The following CDYL2 variants were observed in gnomAD, a reference collection of about 807,000 sequenced individuals.
The protein encoded by CDYL2 is chromodomain Y like 2.
In CDYL2, 23 loss-of-function variants were observed where a neutral mutation model predicts 49.4. The ratio of observed to expected loss-of-function variants is 0.47; its 90% CI spans 0.34 to 0.66. The LOEUF (loss-of-function observed/expected upper bound fraction) is 0.66, where lower values mean the gene tolerates loss of function less well. Ranked by LOEUF, CDYL2 falls within the 30% of genes least tolerant of loss-of-function variation. The pLI is 0.01. For synonymous variants in CDYL2, 360 were observed against 268.8 expected, an observed-to-expected ratio of 1.34 and a Z score of -3.32; for missense variants, 678 against 656.4, an observed-to-expected ratio of 1.03 and a Z score of -0.36.
chr16:80,647,322 T>C (rs1321588261), intron 2 of CDYL2, among the ~76,000 whole-genome samples: 1 of 151,946 alleles, frequency 6.6e-6, no homozygotes, highest in Non-Finnish European at 1.5e-5. Context: ...CCTCTCAAAA[T>C]ACCAATAATA....
In CDYL2 at chr16:80,599,359, A is replaced by G. The variant is rs574836090; in HGVS notation, c.*5029T>C. ...TTTATGTGGACAACCAAAAGGAATA[A>G]TAATTTCTTTTTAAGTCTAAATTCT... On this transcript the variant is annotated 3_prime_UTR_variant, in exon 7 of 7. Transcript: ENST00000570137. 1.2e-4 allele frequency: 19 copies of G among 152,352 alleles called. No individual in the cohort carries two copies. Among genetic ancestry groups the G allele is most frequent in the African/African-American group, 4.6e-4 (19 of 41,586 alleles). 9.4% of individuals were successfully genotyped at this position (152,352 alleles called of 1,614,324 possible).
At chr16:80,726,840 C>A (rs571105624) in intron 1 of CDYL2, among the ~76,000 whole-genome samples, 2 of 151,832 alleles carry the variant, frequency 1.3e-5, no homozygotes, top group African/African-American at 2.4e-5. Flanking sequence ...ATAATCCCAA[C>A]ACTTTGGAGG....
At chr16:80,606,559 C>T (rs1201775597) in intron 6 of CDYL2, among the ~76,000 whole-genome samples, 3 of 152,170 alleles carry the variant, frequency 2.0e-5, no homozygotes, top group African/African-American at 7.2e-5. Context: ...AGTGCCCTCA[C>T]TCTTGCCACT....
chr16:80,787,254 C>A (rs987338761), intron 1 of CDYL2, among the ~76,000 whole-genome samples: 1 of 152,024 alleles, frequency 6.6e-6, no homozygotes, highest in East Asian at 1.9e-4. Context: ...ATGAAGCCAG[C>A]CAGGAAATGG....
chr16:80,712,344 T>G (rs564978926), intron 1 of CDYL2, among the ~76,000 whole-genome samples: 6 of 151,878 alleles, frequency 4.0e-5, no homozygotes, highest in African/African-American at 1.4e-4. Flanking sequence ...AGACCCCCAG[T>G]GCAAACTATC....
At chr16:80,639,490 C>T (rs1597141420) in intron 2 of CDYL2, among the ~76,000 whole-genome samples, 1 of 152,100 alleles carries the variant, frequency 6.6e-6, no homozygotes, top group Non-Finnish European at 1.5e-5. Context: ...AACTGTGGTA[C>T]ATTCATAATA....
chr16:80,609,151 G>C (rs1460841120), intron 5 of CDYL2, among the ~76,000 whole-genome samples: 1 of 152,200 alleles, frequency 6.6e-6, no homozygotes, highest in African/African-American at 2.4e-5. Flanking sequence ...ATTTTCAGCT[G>C]TCATACAAGG....
At chr16:80,764,431 T>C (rs1035181071) in intron 1 of CDYL2, among the ~76,000 whole-genome samples, 1 of 152,128 alleles carries the variant, frequency 6.6e-6, no homozygotes, top group African/African-American at 2.4e-5. Flanking sequence ...AATTAAATTT[T>C]AGGACTGATG....
chr16:80,648,730 G>A (rs758486145), intron 2 of CDYL2, among the ~76,000 whole-genome samples: 2 of 149,318 alleles, frequency 1.3e-5, no homozygotes, highest in African/African-American at 4.9e-5. Context: ...CATCTCTCAC[G>A]AGCACTGATG....
chr16:80,645,206 T>A (rs1033291349), intron 2 of CDYL2, among the ~76,000 whole-genome samples: 1 of 152,188 alleles, frequency 6.6e-6, no homozygotes, highest in Non-Finnish European at 1.5e-5. Flanking sequence ...ACAGGCCACC[T>A]ACAGAATGGG....
intron 1 of CDYL2, among the ~76,000 whole-genome samples, chr16:80,716,579 T>C (rs114029558): frequency 2.0e-5 from 3 of 151,770 alleles, no homozygotes. Flanking sequence ...ACTGAATGAA[T>C]GGACAGACAG....
At chr16:80,676,850 G>A (rs1422527039) in intron 2 of CDYL2, among the ~76,000 whole-genome samples, 1 of 151,948 alleles carries the variant, frequency 6.6e-6, no homozygotes, top group Non-Finnish European at 1.5e-5. Context: ...GCTCTAGAAT[G>A]TGTGGTCAGA....
At chr16:80,667,571 G>A (rs1391622175) in intron 2 of CDYL2, among the ~76,000 whole-genome samples, 1 of 152,150 alleles carries the variant, frequency 6.6e-6, no homozygotes, top group Non-Finnish European at 1.5e-5. Context: ...ACAGCATGAG[G>A]TATTGCAGTT....
At chr16:80,746,606 C>G (rs1033055755) in intron 1 of CDYL2, among the ~76,000 whole-genome samples, 1 of 152,202 alleles carries the variant, frequency 6.6e-6, no homozygotes, top group Non-Finnish European at 1.5e-5. Context: ...GGAATAATTC[C>G]TGGCTCAGAC....
chr16:80,670,232 T>C (rs559211074), intron 2 of CDYL2, among the ~76,000 whole-genome samples: 1 of 152,290 alleles, frequency 6.6e-6, no homozygotes, highest in African/African-American at 2.4e-5. Flanking sequence ...TCTTGAATTG[T>C]AGTTTTTATA....
intron 3 of CDYL2, among the ~76,000 whole-genome samples, chr16:80,631,163 C>T (rs545376044): frequency 6.6e-6 from 1 of 152,306 alleles, no homozygotes; most frequent in East Asian, 1.9e-4. Context: ...GAGACCCTAG[C>T]CCAGTTGGGT....
chr16:80,690,134 A>T (rs1910355138), intron 1 of CDYL2, among the ~76,000 whole-genome samples: 1 of 150,320 alleles, frequency 6.7e-6, no homozygotes, highest in South Asian at 2.1e-4. Flanking sequence ...AATAAAAAAA[A>T]AATAAAAAAA....
intron 1 of CDYL2, among the ~76,000 whole-genome samples, chr16:80,797,994 G>A (rs545030077): frequency 1.3e-5 from 2 of 152,160 alleles, no homozygotes; most frequent in Non-Finnish European, 2.9e-5. Flanking sequence ...GAATTGTGCA[G>A]GGGTTTGTCT....
intron 1 of CDYL2, among the ~76,000 whole-genome samples, chr16:80,696,119 G>A (rs954873269): frequency 1.8e-4 from 28 of 152,046 alleles, no homozygotes; most frequent in South Asian, 4.2e-4. Context: ...ACAAATAATC[G>A]AAATTAAGCA....
Sources: allele counts gnomAD v4.1 joint callset (sites outside exome capture counted in the v4.1 genomes callset), GRCh38; gene constraint gnomAD v4.1.1; transcripts MANE v1.5; gene names NCBI Gene and HGNC (gene_info 2026-07-23, HGNC 2026-07-21).